Variants in EIF4G3 observed in about 807,000 individuals in gnomAD.
EIF4G3 encodes eIF-4-gamma 3.
Under a neutral mutation model 186.4 loss-of-function variants are expected in EIF4G3, and 34 were observed. The ratio of observed to expected loss-of-function variants is 0.18; its 90% CI spans 0.14 to 0.24. The LOEUF is 0.24. Among genes scored for constraint, EIF4G3 ranks in the 10% least tolerant of loss-of-function variants. EIF4G3 has a pLI of 1.00. For synonymous variants in EIF4G3, 673 were observed against 679.5 expected, an observed-to-expected ratio of 0.99 and a Z score of 0.15; for missense variants, 1,536 against 1,948.5, an observed-to-expected ratio of 0.79 and a Z score of 3.99.
At chr1:20,825,050 T>A in intron 33 of EIF4G3, 50 bp downstream of exon 33, 6 of 1,243,340 alleles carry the variant, frequency 4.8e-6, no homozygotes, top group Non-Finnish European at 6.9e-6. Flanking sequence ...ACTTCCTCTA[T>A]GAAATAGATC....
chr1:21,047,165 C>T (rs965214768), intron 4 of EIF4G3, among the ~76,000 whole-genome samples: 1 of 151,992 alleles, frequency 6.6e-6, no homozygotes, highest in Admixed American at 6.6e-5. Context: ...GCCTATAATC[C>T]CTTCCCCTCT....
rs55649192 is a variant in EIF4G3 at position 21,075,570 on chromosome 1, C to CAAAAAAAAAAAAAAAAAAAAAA, written c.-196+13546_-196+13567dup. 3.9e-4 allele frequency among the ~76,000 whole-genome samples: 20 copies of CAAAAAAAAAAAAAAAAAAAAAA among 51,558 alleles called. 1 individual carries two copies. The highest frequency in any genetic ancestry group is 8.8e-4 in the East Asian group (1 of 1,130). 33.8% of individuals were successfully genotyped at this position (51,558 alleles called of 152,430 possible). ...GGCAACAGAGTGAGACTCCAACTCACAAAAAAAAAAAAAAAAAAAAAAAAA... is the reference window on the plus strand; with the variant it reads ...GGCAACAGAGTGAGACTCCAACTCACAAAAAAAAAAAAAAAAAAAAAAAAAAAAAAAAAAAAAAAAAAAAAAA... On this transcript the variant is annotated intron_variant, in intron 3 of 36. Coordinates refer to ENST00000602326, the MANE Select transcript of EIF4G3 (RefSeq NM_001391906.1).
Position 21,055,816 on chromosome 1 carries a change from A to T in EIF4G3, c.-195-4822T>A, listed in dbSNP as rs372676851. Among the ~76,000 whole-genome samples the T allele has an allele frequency of 5.9e-5, 9 of 152,298 alleles. No individual in the cohort carries two copies. In the East Asian group the frequency reaches 1.7e-3, roughly 29 times the overall value. On this transcript the variant is annotated intron_variant, in intron 3 of 36. Coordinates refer to ENST00000602326, the MANE Select transcript of EIF4G3 (RefSeq NM_001391906.1). Reference sequence around the variant, plus strand: ...AAACCTGTACACTAGTATCAACAGAAATATATGAAATAATTAGGAATAATA... The same window carrying T: ...AAACCTGTACACTAGTATCAACAGATATATATGAAATAATTAGGAATAATA...
chr1:21,119,457 T>C (rs959733287), intron 2 of EIF4G3, among the ~76,000 whole-genome samples: 3 of 152,170 alleles, frequency 2.0e-5, no homozygotes, highest in African/African-American at 4.8e-5. Context: ...GGGTCATGAT[T>C]TGCAAATGAA....
intron 4 of EIF4G3, among the ~76,000 whole-genome samples, chr1:21,005,640 G>A (rs1157510952): frequency 6.6e-6 from 1 of 152,084 alleles, no homozygotes; most frequent in African/African-American, 2.4e-5. Flanking sequence ...GGAACATAGA[G>A]CCAACTGAAA....
chr1:21,032,920 G>C (rs2092864749), intron 4 of EIF4G3, among the ~76,000 whole-genome samples: 1 of 152,152 alleles, frequency 6.6e-6, no homozygotes, highest in African/African-American at 2.4e-5. Context: ...TTTAGCACTT[G>C]AACTCTTTCC....
At chr1:20,935,173 G>A (rs2095479427) in intron 14 of EIF4G3, among the ~76,000 whole-genome samples, 1 of 152,176 alleles carries the variant, frequency 6.6e-6, no homozygotes, top group Admixed American at 6.5e-5. Flanking sequence ...AAGATTAATA[G>A]AAACATGACG....
chr1:20,981,146 G>A lies in EIF4G3; in HGVS notation c.280C>T (p.Pro94Ser), dbSNP rs765519866. ...TGATTAGCCTGGTACACTGCAGTGG[G>A]TGTCTGTGCACCAGGACGAATGGAA... is the stretch of plus-strand genomic sequence containing the variant. The part of the protein sequence containing the change: ...SPSIRPGAQT[P>S]TAVYQANQHI... The change falls in exon 9 of 37, where the codon CCC (proline) becomes TCC (serine). Residue 94 changes from proline (P) to serine (S), a missense_variant. By Grantham distance (74) the Pro-to-Ser change is moderately conservative. Transcript: ENST00000602326. The A allele has an allele frequency of 8.7e-6, 14 of 1,613,886 alleles. No individual in the cohort carries two copies. Among genetic ancestry groups the A allele is most frequent in the Non-Finnish European group, 1.1e-5 (13 of 1,179,898 alleles).
chr1:21,137,974 T>G (rs2097275773), intron 2 of EIF4G3, among the ~76,000 whole-genome samples: 1 of 152,168 alleles, frequency 6.6e-6, no homozygotes, highest in Admixed American at 6.5e-5. Context: ...TTGGGCACAT[T>G]CATGGTGTGA....
chr1:21,031,017 C>A (rs141331382), intron 4 of EIF4G3, among the ~76,000 whole-genome samples: 4,981 of 151,902 alleles, frequency 0.033, 270 homozygotes, highest in African/African-American at 0.11. Flanking sequence ...GAAACTCCAC[C>A]CCTACTAAAA....
At position 20,840,921 on chromosome 1, in the gene EIF4G3, G is replaced by A; in HGVS notation, c.3996C>T (p.His1332=). The A allele has an allele frequency of 3.1e-6, 5 of 1,614,050 alleles. No homozygotes were observed. In the South Asian group the frequency reaches 5.5e-5, roughly 18 times the overall value. ...TLERSQITRD[H]MGQLLYQLVQ... is the part of the protein sequence containing the mutation. ...CCAGCTGATAGAGTAATTGGCCCAT[G>A]TGATCCCTGGTGATCTGGCTCCTTT... Residue 1332 remains histidine, a synonymous_variant, in exon 30 of 37, where the codon CAC becomes CAT. Transcript: ENST00000602326.
chr1:21,015,756 G>GAAAA (rs71569803), intron 4 of EIF4G3, among the ~76,000 whole-genome samples: 1 of 132,136 alleles, frequency 7.6e-6, no homozygotes, highest in African/African-American at 2.8e-5. Flanking sequence ...TGAAAGGAAA[G>GAAAA]AAAAAAAAAA....
intron 7 of EIF4G3, among the ~76,000 whole-genome samples, chr1:20,986,765 A>AAAG (rs2079628105): frequency 6.7e-6 from 1 of 150,054 alleles, no homozygotes; most frequent in Non-Finnish European, 1.5e-5. Context: ...AAAAAAAAAA[A>AAAG]AAAAAAGAAA....
intron 11 of EIF4G3, 89 bp from the exon 12 acceptor site, chr1:20,969,685 G>A: frequency 7.9e-7 from 1 of 1,258,558 alleles, no homozygotes; most frequent in Non-Finnish European, 1.1e-6. Flanking sequence ...GTGCAAACTG[G>A]GAAACCTGTC....
chr1:20,981,229 T>C lies in EIF4G3; in HGVS notation c.199-2A>G. The C allele has an allele frequency of 1.3e-6, 2 of 1,561,126 alleles. No homozygotes were observed. Among genetic ancestry groups the C allele is most frequent in the Non-Finnish European group, 1.7e-6 (2 of 1,156,672 alleles). On this transcript the variant is annotated splice_acceptor_variant, in intron 8 of 36. Transcript: ENST00000602326. LOFTEE classifies it high-confidence loss of function. ...CTGTATTTGAGGCCTCTGGAAAAAC[T>C]GGGAAGGGGAGAAAAAAAAAATTTT...
chr1:21,105,994 G>C (rs1327869412), intron 2 of EIF4G3, among the ~76,000 whole-genome samples: 5 of 152,124 alleles, frequency 3.3e-5, no homozygotes, highest in Non-Finnish European at 7.3e-5. Context: ...CTGAGCCAAG[G>C]AGTTCAAGGT....
chr1:20,924,865 AATT>A (rs1346345115), intron 14 of EIF4G3, among the ~76,000 whole-genome samples: 16 of 152,166 alleles, frequency 1.1e-4, no homozygotes, highest in Non-Finnish European at 1.0e-4. Context: ...CCCACCCGAA[AATT>A]ATTATTTGAA....
intron 14 of EIF4G3, among the ~76,000 whole-genome samples, chr1:20,920,941 G>C: frequency 6.6e-6 from 1 of 152,110 alleles, no homozygotes; most frequent in Admixed American, 6.6e-5. Context: ...ATATATTTTA[G>C]TAAGTCTGCC....
intron 4 of EIF4G3, among the ~76,000 whole-genome samples, chr1:21,007,394 A>C (rs993666833): frequency 6.6e-5 from 10 of 151,968 alleles, no homozygotes; most frequent in Non-Finnish European, 1.3e-4. Context: ...GCGAAACTTC[A>C]TCTCAAAACA....
Sources: allele counts gnomAD v4.1 joint callset (sites outside exome capture counted in the v4.1 genomes callset), GRCh38; gene constraint gnomAD v4.1.1; transcripts MANE v1.5; gene names NCBI Gene and HGNC (gene_info 2026-07-23, HGNC 2026-07-21).